Variants in RYR2 observed in about 807,000 individuals in gnomAD.
RYR2 encodes the protein cardiac muscle ryanodine receptor-calcium release channel.
RYR2 carries 227 observed loss-of-function variants against 601.1 expected under a neutral mutation model. The observed-to-expected ratio is 0.38, with a 90% CI of 0.34 to 0.42. The LOEUF (loss-of-function observed/expected upper bound fraction) is 0.42. RYR2 is among the 10% of genes least tolerant of loss of function. RYR2 has a pLI of 1.00. For missense variants in RYR2, 4,646 were observed against 6,156.5 expected (o/e 0.75, Z 8.21); for synonymous variants, 2,223 against 2,175.1 (o/e 1.02, Z -0.61).
chr1:237,610,868 G>T lies in RYR2; in HGVS notation c.4790G>T (p.Ser1597Ile), dbSNP rs1481918213. 2 of 1,613,258 alleles carry T rather than the reference G, an allele frequency of 1.2e-6. No homozygotes were observed. Among genetic ancestry groups the T allele is most frequent in the South Asian group, 1.1e-5 (1 of 90,862 alleles). Residue 1597 changes from serine (S) to isoleucine (I), a missense_variant, in exon 36 of 105, where the codon AGC (serine) becomes ATC (isoleucine). Physicochemically the swap from Ser to Ile is moderately radical, Grantham distance 142. This residue lies in a region of RYR2 where 1,807 missense variants were observed against 2,088.1 expected (regional missense o/e 0.87). Coordinates refer to ENST00000366574, the MANE Select transcript of RYR2 (RefSeq NM_001035.3). The surrounding 1 kb of genome is among the most constrained non-coding windows in gnomAD (Gnocchi z 4.9). ...CAGTTCCTGTCACACGTCCTGTGGA[G>T]CAGAATGCCCAACCAGTTTTTGAAG... ...HVQFLSHVLWSRMPNQFLKVD... is the reference protein window; with the variant it reads ...HVQFLSHVLWIRMPNQFLKVD...
At chr1:237,519,585 A>G (rs1401553647) in intron 24 of RYR2, among the ~76,000 whole-genome samples, 3 of 152,064 alleles carry the variant, frequency 2.0e-5, no homozygotes, top group Admixed American at 6.5e-5. Flanking sequence ...GCCAACAAAT[A>G]TGGCTGTAAG....
At chr1:237,787,956 A>C (rs1428989164) in intron 91 of RYR2, 32 bp from the exon 92 acceptor site, 1 of 1,561,356 alleles carries the variant, frequency 6.4e-7, no homozygotes, top group Admixed American at 1.9e-5. Context: ...TAGTTTCTGG[A>C]GAGCTTATGT....
intron 19 of RYR2, among the ~76,000 whole-genome samples, chr1:237,495,177 A>G (rs1663933263): frequency 6.6e-6 from 1 of 152,128 alleles, no homozygotes; most frequent in South Asian, 2.1e-4. Context: ...CTATTATTCA[A>G]TCCTCACAAG....
At chr1:237,293,883 G>A (rs1200043693) in intron 2 of RYR2, among the ~76,000 whole-genome samples, 1 of 152,018 alleles carries the variant, frequency 6.6e-6, no homozygotes, top group African/African-American at 2.4e-5. Context: ...TTGGCCATTG[G>A]TAATCAAGTC....
In RYR2 at chr1:237,743,586, C is replaced by CA. The variant is rs1283292366; in HGVS notation, c.11145+1238dup. Reference sequence around the variant, plus strand: ...TTATTGCTATTTTGCTTCTTGTCCTCATCCTTCCTTAAGGTCACAGGATCC... The same window carrying CA: ...TTATTGCTATTTTGCTTCTTGTCCTCAATCCTTCCTTAAGGTCACAGGATCC... On this transcript the variant is annotated intron_variant, in intron 80 of 104. Coordinates refer to ENST00000366574, the MANE Select transcript of RYR2 (RefSeq NM_001035.3). 5 of 518,702 alleles carry CA rather than the reference C, an allele frequency of 9.6e-6. No homozygotes were observed. The Admixed American group carries it at 9.7e-5, about 10-fold the overall frequency. The allele number at this position is 518,702 out of a possible 1,614,324, so 32.1% of individuals were successfully genotyped here.
chr1:237,825,932 C>T (rs1468416036), intron 101 of RYR2, among the ~76,000 whole-genome samples: 1 of 152,134 alleles, frequency 6.6e-6, no homozygotes, highest in Non-Finnish European at 1.5e-5. Context: ...CATCACTGGT[C>T]ATTGAAGAAA....
intron 3 of RYR2, among the ~76,000 whole-genome samples, chr1:237,350,463 C>T (rs932155883): frequency 6.1e-5 from 9 of 147,288 alleles, no homozygotes; most frequent in South Asian, 2.2e-4. Context: ...CCCAGCTACT[C>T]GGGAGGCTGA....
chr1:237,760,788 G>C (rs1693359004), intron 83 of RYR2, among the ~76,000 whole-genome samples, 167 bp from the exon 84 acceptor site: 1 of 152,164 alleles, frequency 6.6e-6, no homozygotes, highest in African/African-American at 2.4e-5. Flanking sequence ...ACACTAGTCT[G>C]CCACTAAGAA....
chr1:237,637,640 A>G (rs1681013061), intron 44 of RYR2, among the ~76,000 whole-genome samples: 1 of 152,206 alleles, frequency 6.6e-6, no homozygotes, highest in African/African-American at 2.4e-5. Context: ...TTAAATTGAT[A>G]TATCATTTTG....
intron 3 of RYR2, chr1:237,333,609 G>A (rs1038592412): frequency 6.6e-6 from 3 of 455,918 alleles, no homozygotes; most frequent in Admixed American, 2.4e-5. Context: ...ATAAGGATGT[G>A]CACCAGCTAG....
intron 3 of RYR2, among the ~76,000 whole-genome samples, chr1:237,338,643 C>T (rs560211076): frequency 2.6e-5 from 4 of 152,074 alleles, no homozygotes; most frequent in South Asian, 2.1e-4. Context: ...TGTCAGGTAA[C>T]AGTATTTGAA....
chr1:237,149,205 A>C (rs944509158), intron 1 of RYR2, among the ~76,000 whole-genome samples: 6 of 152,196 alleles, frequency 3.9e-5, no homozygotes, highest in Non-Finnish European at 8.8e-5. Flanking sequence ...CTTATTTTCT[A>C]TGCCTATCTA....
chr1:237,118,931 C>A (rs1263566889), intron 1 of RYR2, among the ~76,000 whole-genome samples: 1 of 151,726 alleles, frequency 6.6e-6, no homozygotes, highest in African/African-American at 2.4e-5. Flanking sequence ...AAAGGAAAAA[C>A]CCCTTGTGCA....
At chr1:237,331,715 C>G (rs951835945) in intron 3 of RYR2, among the ~76,000 whole-genome samples, 3 of 151,214 alleles carry the variant, frequency 2.0e-5, no homozygotes, top group Non-Finnish European at 2.9e-5. Flanking sequence ...GGGGTTTCAC[C>G]ATGTTGGCCA....
At chr1:237,526,286 A>G (rs1466348096) in intron 24 of RYR2, among the ~76,000 whole-genome samples, 1 of 150,808 alleles carries the variant, frequency 6.6e-6, no homozygotes, top group East Asian at 1.9e-4. Flanking sequence ...TAATGTGTTT[A>G]TTTGGCTGCT....
At chr1:237,775,090 A>C (rs1394742001) in intron 87 of RYR2, among the ~76,000 whole-genome samples, 2 of 151,846 alleles carry the variant, frequency 1.3e-5, no homozygotes, top group African/African-American at 4.8e-5. Flanking sequence ...AAAAAAAAAA[A>C]AAAAACAGAA....
chr1:237,429,061 T>C (rs1002192131), intron 12 of RYR2, among the ~76,000 whole-genome samples: 5 of 152,084 alleles, frequency 3.3e-5, no homozygotes, highest in African/African-American at 1.2e-4. Context: ...TGAGCGGGAC[T>C]GGGAACTGGG....
At chr1:237,763,543 A>C (rs1693598798) in intron 84 of RYR2, among the ~76,000 whole-genome samples, 1 of 152,248 alleles carries the variant, frequency 6.6e-6, no homozygotes, top group Non-Finnish European at 1.5e-5. Context: ...TAGAAACAAT[A>C]GCAACTATTT....
rs547728669 is a variant in RYR2 at position 237,643,753 on chromosome 1, C to T, written c.7342+306C>T. Among the ~76,000 whole-genome samples the T allele has an allele frequency of 6.4e-3, 967 of 152,022 alleles. 9 individuals carry two copies. Among genetic ancestry groups the T allele is most frequent in the African/African-American group, 0.02 (849 of 41,478 alleles). On this transcript the variant is annotated intron_variant, in intron 48 of 104. Transcript: ENST00000366574. ...TCAGCCTCCCAAGTAGCTGGGACTA[C>T]AGGCGCCCGTCACCATGCCCGGCTA...
Sources: gnomAD v4.1 joint callset for allele counts (sites outside exome capture counted in the v4.1 genomes callset) on GRCh38, gnomAD v4.1.1 for gene constraint, gnomAD v4.1.1 regional missense constraint, Gnocchi (gnomAD v3.1) non-coding constraint, MANE v1.5 for transcripts, NCBI Gene and HGNC (gene_info 2026-07-23, HGNC 2026-07-21) for gene names.